The following MAL2 variants were observed in gnomAD, a reference collection of about 807,000 sequenced individuals.
MAL2 encodes protein MAL2.
MAL2 carries 17 observed loss-of-function variants against 18.1 expected under a neutral mutation model. The ratio of observed to expected loss-of-function variants is 0.94; its 90% CI spans 0.64 to 1.41. The LOEUF (loss-of-function observed/expected upper bound fraction) is 1.41, where lower values mean the gene tolerates loss of function less well. Among genes scored for constraint, MAL2 ranks in the 40% most tolerant of loss-of-function variants. The pLI, the probability that MAL2 is intolerant of heterozygous loss-of-function variation, is 0.00. For missense variants in MAL2, 222 were observed against 231.9 expected (o/e 0.96, Z 0.28); for synonymous variants, 102 against 102.3 (o/e 1.00, Z 0.02).
At chr8:119,217,159 G>C (rs186881703) in intron 1 of MAL2, among the ~76,000 whole-genome samples, 18 of 152,318 alleles carry the variant, frequency 1.2e-4, no homozygotes, top group Admixed American at 1.1e-3. Context: ...TGAGGATTCA[G>C]TTTAGTGTGA....
At chr8:119,209,595 C>A (rs1300572659) in intron 1 of MAL2, among the ~76,000 whole-genome samples, 1 of 152,126 alleles carries the variant, frequency 6.6e-6, no homozygotes, top group Non-Finnish European at 1.5e-5. Flanking sequence ...ATTGTTTGCT[C>A]GGTTTAGGAT....
chr8:119,240,739 G>A (rs930624343), intron 3 of MAL2, among the ~76,000 whole-genome samples: 6 of 152,156 alleles, frequency 3.9e-5, no homozygotes, highest in African/African-American at 1.4e-4. Flanking sequence ...CATTTATCAA[G>A]TAATTTTGCT....
chr8:119,235,481 C>A (rs1407562887), intron 2 of MAL2, among the ~76,000 whole-genome samples: 6 of 151,792 alleles, frequency 4.0e-5, no homozygotes, highest in Non-Finnish European at 7.4e-5. Context: ...AGAGCAACTC[C>A]AAGACACATA....
At chr8:119,232,583 A>G (rs1007311442) in intron 2 of MAL2, among the ~76,000 whole-genome samples, 18 of 152,178 alleles carry the variant, frequency 1.2e-4, no homozygotes, top group Admixed American at 1.2e-3. Context: ...GGAAGTATAT[A>G]TGTTAGTAGT....
chr8:119,219,561 G>GAC (rs1449436059), intron 1 of MAL2, among the ~76,000 whole-genome samples: 15 of 149,500 alleles, frequency 1.0e-4, no homozygotes, highest in Non-Finnish European at 2.1e-4. Flanking sequence ...GTGTGAGAGA[G>GAC]AGAGACAGAG....
At chr8:119,234,488 G>C (rs578248159) in intron 2 of MAL2, among the ~76,000 whole-genome samples, 1 of 152,176 alleles carries the variant, frequency 6.6e-6, no homozygotes, top group Non-Finnish European at 1.5e-5. Context: ...GCCTCTGTAG[G>C]CTCCACCTCT....
In MAL2 at chr8:119,244,941, G is replaced by GA. The variant is rs1818121315; in HGVS notation, c.*1455dup. 2 of 152,576 alleles carry GA rather than the reference G, an allele frequency of 1.3e-5. No homozygotes were observed. Among genetic ancestry groups the GA allele is most frequent in the South Asian group, 2.1e-4 (1 of 4,830 alleles). 9.5% of individuals were successfully genotyped at this position (152,576 alleles called of 1,614,324 possible). A position where few individuals can be genotyped will look rare whatever the true frequency, so the allele number is the denominator to read the frequency against. ...TTTTTCAGCCCTTTACTTTCTGGCT[G>GA]AAGCATCCCCTTGGAGTGCCATGTA... On this transcript the variant is annotated 3_prime_UTR_variant, in exon 4 of 4. Transcript: ENST00000614891.
chr8:119,235,427 A>G (rs1261332469), intron 2 of MAL2, among the ~76,000 whole-genome samples: 3 of 152,238 alleles, frequency 2.0e-5, no homozygotes, highest in East Asian at 3.9e-4. Context: ...GCCAACATTC[A>G]GATTCAGGAA....
chr8:119,238,978 A>G lies in MAL2; in HGVS notation c.304-1187A>G, dbSNP rs1405771558. ...GCACAGCAAAAGAAACTATCATCAGAGTGAACAGGCAACCTACAAAATGGG... is the reference window on the plus strand; with the variant it reads ...GCACAGCAAAAGAAACTATCATCAGGGTGAACAGGCAACCTACAAAATGGG... On this transcript the variant is annotated intron_variant, in intron 2 of 3. Transcript: ENST00000614891. 2.0e-5 allele frequency among the ~76,000 whole-genome samples: 3 copies of G among 151,874 alleles called. No homozygotes were observed. In the East Asian group the frequency reaches 5.8e-4, roughly 29 times the overall value.
chr8:119,241,259 A>G (rs1818041645), intron 3 of MAL2, among the ~76,000 whole-genome samples: 1 of 152,152 alleles, frequency 6.6e-6, no homozygotes, highest in African/African-American at 2.4e-5. Context: ...AAGGAATCAT[A>G]GCTCATGCCT....
intron 2 of MAL2, among the ~76,000 whole-genome samples, chr8:119,231,042 T>A (rs1817713057): frequency 6.6e-6 from 1 of 152,050 alleles, no homozygotes; most frequent in Non-Finnish European, 1.5e-5. Flanking sequence ...TTATTTTTTG[T>A]TTGTTTTGAG....
intron 1 of MAL2, among the ~76,000 whole-genome samples, chr8:119,214,663 C>T (rs530375889): frequency 1.3e-5 from 2 of 152,238 alleles, no homozygotes; most frequent in South Asian, 4.2e-4. Flanking sequence ...ATTTTAGGGT[C>T]GGTGTCAGCT....
chr8:119,218,028 GA>G (rs1237620016), intron 1 of MAL2, among the ~76,000 whole-genome samples: 1 of 152,110 alleles, frequency 6.6e-6, no homozygotes, highest in Non-Finnish European at 1.5e-5. Flanking sequence ...ACAAAGTAGG[GA>G]ATAATAACTG....
chr8:119,240,149 T>C lies in MAL2; in HGVS notation c.304-16T>C. 2 of 1,610,958 alleles carry C rather than the reference T, an allele frequency of 1.2e-6. No individual in the cohort carries two copies. The highest frequency in any genetic ancestry group is 8.5e-7 in the Non-Finnish European group (1 of 1,178,336). ...ATTTTTTTTTAATTGCAGATGTCTT[T>C]TCTCTCCTCTTTTAGGATTTTGCCT... On this transcript the variant is annotated splice_polypyrimidine_tract_variant and intron_variant, in intron 2 of 3. Coordinates refer to ENST00000614891, the MANE Select transcript of MAL2 (RefSeq NM_052886.3).
intron 2 of MAL2, among the ~76,000 whole-genome samples, chr8:119,229,404 C>CT (rs1587132458): frequency 1.3e-5 from 2 of 151,448 alleles, no homozygotes; most frequent in Non-Finnish European, 2.9e-5. Flanking sequence ...CCTCTGCCTC[C>CT]TGGATTCAAG....
rs1481535914 is a variant in MAL2 at position 119,244,913 on chromosome 8, T to C, written c.*1425T>C. The C allele has an allele frequency of 6.6e-6, 1 of 152,622 alleles. No individual in the cohort carries two copies. The highest frequency in any genetic ancestry group is 1.5e-5 in the Non-Finnish European group (1 of 68,038). The allele number at this position is 152,622 out of a possible 1,614,324, so 9.5% of individuals were successfully genotyped here. A position where few individuals can be genotyped will look rare whatever the true frequency, so the allele number is the denominator to read the frequency against. ...CCACACGAGGGCTTTTGTATTGTTC[T>C]ACTTTTTCAGCCCTTTACTTTCTGG... On this transcript the variant is annotated 3_prime_UTR_variant, in exon 4 of 4. Transcript: ENST00000614891.
chr8:119,231,637 T>A (rs1817731888), intron 2 of MAL2, among the ~76,000 whole-genome samples: 1 of 152,174 alleles, frequency 6.6e-6, no homozygotes, highest in Admixed American at 6.5e-5. Flanking sequence ...ATATCTGCAT[T>A]CTCATTTTCA....
At chr8:119,213,152 C>A (rs1413311081) in intron 1 of MAL2, among the ~76,000 whole-genome samples, 1 of 152,076 alleles carries the variant, frequency 6.6e-6, no homozygotes, top group Non-Finnish European at 1.5e-5. Context: ...GTTTGACTTG[C>A]CCCAAAGTGA....
At position 119,211,696 on chromosome 8, in the gene MAL2, A is replaced by ATTTT. The variant is rs370258084; in HGVS notation, c.132+3108_132+3111dup. On this transcript the variant is annotated intron_variant, in intron 1 of 3. Transcript: ENST00000614891. ...ATATTACAATCTCACGTGCATAGTG[A>ATTTT]TTTTTTTTTTTTTTTTTTTGAGATA... Among the ~76,000 whole-genome samples the ATTTT allele has an allele frequency of 7.2e-4, 97 of 135,578 alleles. 1 individual carries two copies. Among genetic ancestry groups the ATTTT allele is most frequent in the African/African-American group, 2.0e-3 (74 of 37,060 alleles). The allele number at this position is 135,578 out of a possible 152,430, so 88.9% of individuals were successfully genotyped here.
Sources: allele counts gnomAD v4.1 joint callset (sites outside exome capture counted in the v4.1 genomes callset), GRCh38; gene constraint gnomAD v4.1.1; transcripts MANE v1.5; gene names NCBI Gene and HGNC (gene_info 2026-07-23, HGNC 2026-07-21).